Variants in GMPR observed in about 807,000 individuals in gnomAD.
The protein encoded by GMPR is guanosine monophosphate reductase, also known as GMP reductase 1.
GMPR carries 31 observed loss-of-function variants against 38.4 expected under a neutral mutation model. The ratio of observed to expected loss-of-function variants is 0.81; its 90% CI spans 0.61 to 1.09. The LOEUF is 1.09. Among genes scored for constraint, GMPR ranks in the 50% least tolerant of loss-of-function variants. The pLI, the probability that GMPR is intolerant of heterozygous loss-of-function variation, is 0.00. For missense variants in GMPR, 468 were observed against 453.7 expected (o/e 1.03, Z -0.29); for synonymous variants, 162 against 173.3 (o/e 0.93, Z 0.51).
intron 6 of GMPR, among the ~76,000 whole-genome samples, chr6:16,284,048 C>T (rs542832802): frequency 3.9e-4 from 60 of 152,256 alleles, no homozygotes; most frequent in Admixed American, 6.5e-4. Flanking sequence ...TGGGTTTGGG[C>T]CAGATAACAT....
intron 5 of GMPR, among the ~76,000 whole-genome samples, chr6:16,278,308 T>A (rs56158863): frequency 0.065 from 9,849 of 152,176 alleles, 657 homozygotes; most frequent in African/African-American, 0.17. Context: ...TCTCTTTGGA[T>A]TTTACAGGCC....
At chr6:16,268,729 G>A (rs551306912) in intron 4 of GMPR, among the ~76,000 whole-genome samples, 1 of 152,182 alleles carries the variant, frequency 6.6e-6, no homozygotes, top group Admixed American at 6.5e-5. Context: ...GTAAAAAGTG[G>A]TTACTGTTTA....
intron 1 of GMPR, among the ~76,000 whole-genome samples, chr6:16,245,811 A>G (rs1422197733): frequency 6.6e-6 from 1 of 152,202 alleles, no homozygotes; most frequent in African/African-American, 2.4e-5. Context: ...GCTTAGGGAA[A>G]GCTGGAACAA....
intron 6 of GMPR, among the ~76,000 whole-genome samples, chr6:16,284,972 T>A (rs1759646898): frequency 7.5e-6 from 1 of 132,694 alleles, no homozygotes; most frequent in East Asian, 2.1e-4. Flanking sequence ...TGAGCCGAGA[T>A]CACGCCATTA....
chr6:16,250,872 C>CT (rs1003003980), intron 3 of GMPR, among the ~76,000 whole-genome samples: 7 of 144,376 alleles, frequency 4.8e-5, no homozygotes, highest in Non-Finnish European at 3.0e-5. Context: ...TGAGGGGTCT[C>CT]TTTTTAAAAA....
intron 7 of GMPR, among the ~76,000 whole-genome samples, chr6:16,289,267 T>C (rs144353631): frequency 1.3e-3 from 205 of 152,296 alleles, no homozygotes; most frequent in African/African-American, 4.2e-3. Context: ...TGAGAGTCTA[T>C]GGCTTCATTC....
At chr6:16,274,804 A>G (rs1759446706) in intron 5 of GMPR, among the ~76,000 whole-genome samples, 1 of 152,154 alleles carries the variant, frequency 6.6e-6, no homozygotes, top group Admixed American at 6.5e-5. Context: ...GACCCCATAC[A>G]CCTTGCAGAG....
intron 4 of GMPR, among the ~76,000 whole-genome samples, chr6:16,266,867 C>T (rs912893007): frequency 5.9e-5 from 9 of 151,474 alleles, no homozygotes; most frequent in Admixed American, 3.9e-4. Flanking sequence ...AGCGAGACCA[C>T]GAACCGTCCG....
rs903880638 is a variant in GMPR at position 16,290,675 on chromosome 6, G to C, written c.857+54G>C. The C allele has an allele frequency of 2.6e-6, 4 of 1,513,018 alleles. No individual in the cohort carries two copies. In the Admixed American group the frequency reaches 5.1e-5, roughly 19 times the overall value. 93.7% of individuals were successfully genotyped at this position (1,513,018 alleles called of 1,614,324 possible). ...CGAGGCCTGGCCTTGCTTTTCTTACGGAGATGGGATGGAAGCAGGTCTGAA... is the reference window on the plus strand; with the variant it reads ...CGAGGCCTGGCCTTGCTTTTCTTACCGAGATGGGATGGAAGCAGGTCTGAA... On this transcript the variant is annotated intron_variant, in intron 8 of 8. Transcript: ENST00000259727.
intron 4 of GMPR, among the ~76,000 whole-genome samples, chr6:16,255,745 A>G (rs1369768761): frequency 1.3e-5 from 2 of 152,170 alleles, no homozygotes; most frequent in Non-Finnish European, 2.9e-5. Context: ...ATTGACCACT[A>G]GATAATTTAC....
chr6:16,275,159 T>C (rs1454895713), intron 5 of GMPR, among the ~76,000 whole-genome samples: 1 of 152,152 alleles, frequency 6.6e-6, no homozygotes, highest in African/African-American at 2.4e-5. Flanking sequence ...TGCTTGAAGA[T>C]GAGCTGCCAT....
At chr6:16,292,251 C>T (rs986796557) in intron 8 of GMPR, among the ~76,000 whole-genome samples, 3 of 151,882 alleles carry the variant, frequency 2.0e-5, no homozygotes, top group Admixed American at 2.0e-4. Flanking sequence ...AGGTTCATAC[C>T]AAGCTAGCAG....
intron 4 of GMPR, among the ~76,000 whole-genome samples, chr6:16,267,587 C>T (rs9367906): frequency 2.6e-3 from 392 of 152,158 alleles, no homozygotes; most frequent in Admixed American, 4.9e-3. Flanking sequence ...GAACATCTGA[C>T]GGAACAAACT....
At chr6:16,259,975 C>A (rs1460970001) in intron 4 of GMPR, among the ~76,000 whole-genome samples, 7 of 151,220 alleles carry the variant, frequency 4.6e-5, no homozygotes, top group African/African-American at 9.7e-5. Flanking sequence ...TATGACTAGA[C>A]AGAAGATAGT....
chr6:16,256,162 G>A, intron 4 of GMPR, among the ~76,000 whole-genome samples: 1 of 148,878 alleles, frequency 6.7e-6, no homozygotes, highest in African/African-American at 2.5e-5. Context: ...CTTGCAGTGA[G>A]CCGAGATCAC....
rs1204174727 is a variant in GMPR at position 16,295,360 on chromosome 6, C to T, written c.*174C>T. 3.3e-5 allele frequency: 16 copies of T among 477,630 alleles called. No homozygotes were observed. Among genetic ancestry groups the T allele is most frequent in the East Asian group, 1.8e-4 (5 of 28,178 alleles). The allele number at this position is 477,630 out of a possible 1,614,324, so 29.6% of individuals were successfully genotyped here. A position where few individuals can be genotyped will look rare whatever the true frequency, so the allele number is the denominator to read the frequency against. On this transcript the variant is annotated 3_prime_UTR_variant, in exon 9 of 9. Transcript: ENST00000259727. ...TTCGGGGCTCTCCCGCCTGCCTTCT[C>T]GGGGCCCAGACGCAAGGCACCGATT...
At chr6:16,263,438 GAGA>G (rs1327992781) in intron 4 of GMPR, 1 of 151,868 alleles carries the variant, frequency 6.6e-6, no homozygotes, top group African/African-American at 2.4e-5. Flanking sequence ...CAGGCTAAGG[GAGA>G]AGAAGGAGGA....
At chr6:16,291,240 T>C (rs980013472) in intron 8 of GMPR, among the ~76,000 whole-genome samples, 2 of 152,172 alleles carry the variant, frequency 1.3e-5, no homozygotes, top group African/African-American at 4.8e-5. Context: ...TTTTATTTTT[T>C]TGTGGTGGAG....
Position 16,277,956 on chromosome 6 carries a change from C to T in GMPR, c.548-828C>T, listed in dbSNP as rs564733461. Among the ~76,000 whole-genome samples, 10 of 152,002 alleles carry T rather than the reference C, an allele frequency of 6.6e-5. No homozygotes were observed. In the South Asian group the frequency reaches 8.3e-4, roughly 13 times the overall value. On this transcript the variant is annotated intron_variant, in intron 5 of 8. Coordinates refer to ENST00000259727, the MANE Select transcript of GMPR (RefSeq NM_006877.4). ...GTAAAGTGGGGTGCTGTGGCGGCAC[C>T]GGGAAGCTTGAATAAGGGGAGGTAT...
Sources: gnomAD v4.1 joint callset for allele counts (sites outside exome capture counted in the v4.1 genomes callset) on GRCh38, gnomAD v4.1.1 for gene constraint, MANE v1.5 for transcripts, NCBI Gene and HGNC (gene_info 2026-07-23, HGNC 2026-07-21) for gene names.